Variants in WDFY4 observed in about 807,000 individuals in gnomAD.
WDFY4 encodes the protein WDFY family member 4.
WDFY4 carries 169 observed loss-of-function variants against 351.9 expected under a neutral mutation model. That is an observed-to-expected ratio of 0.48 (90% CI 0.42 to 0.55). The LOEUF is 0.55. Ranked by LOEUF, WDFY4 falls within the 20% of genes least tolerant of loss-of-function variation. WDFY4 has a pLI of 0.00. For synonymous variants in WDFY4, 1,622 were observed against 1,574.6 expected (o/e 1.03, Z -0.71); for missense variants, 3,803 against 3,935.6 (o/e 0.97, Z 0.90).
intron 44 of WDFY4, among the ~76,000 whole-genome samples, chr10:48,893,842 G>C (rs1836937937): frequency 6.6e-6 from 1 of 152,180 alleles, no homozygotes; most frequent in Non-Finnish European, 1.5e-5. Flanking sequence ...TCAGAATATT[G>C]ACAGTTATCC....
chr10:48,832,389 G>A (rs1251468478), intron 38 of WDFY4, among the ~76,000 whole-genome samples, 184 bp from the exon 39 acceptor site: 1 of 152,254 alleles, frequency 6.6e-6, no homozygotes, highest in Non-Finnish European at 1.5e-5. Flanking sequence ...AAAGCCCACA[G>A]TGTTTCTTAG....
intron 39 of WDFY4, among the ~76,000 whole-genome samples, chr10:48,845,268 T>A (rs974350120): frequency 2.0e-5 from 3 of 152,218 alleles, no homozygotes; most frequent in Non-Finnish European, 4.4e-5. Flanking sequence ...CATCTGGCTC[T>A]AGCTCTCCTT....
chr10:48,825,099 G>A (rs919184024), intron 35 of WDFY4, among the ~76,000 whole-genome samples: 1 of 152,102 alleles, frequency 6.6e-6, no homozygotes, highest in Non-Finnish European at 1.5e-5. Flanking sequence ...TTTTCCTAAT[G>A]CTCTCCCTCT....
At chr10:48,876,972 C>A in intron 42 of WDFY4, 61 bp from the exon 43 acceptor site, 1 of 1,423,136 alleles carries the variant, frequency 7.0e-7, no homozygotes, top group Admixed American at 3.0e-5. Context: ...ATGCTGTGCA[C>A]CGGCCCTTAC....
At chr10:48,762,898 T>G (rs2065554258) in intron 13 of WDFY4, among the ~76,000 whole-genome samples, 1 of 152,178 alleles carries the variant, frequency 6.6e-6, no homozygotes, top group Non-Finnish European at 1.5e-5. Context: ...TTAGACTTAG[T>G]GGGAGGGGAC....
intron 23 of WDFY4, among the ~76,000 whole-genome samples, chr10:48,794,241 G>A (rs2132770676): frequency 6.6e-6 from 1 of 152,256 alleles, no homozygotes; most frequent in Non-Finnish European, 1.5e-5. Flanking sequence ...ATGGGGATGA[G>A]GTTCAAGCAG....
chr10:48,962,480 G>C (rs528381290), intron 53 of WDFY4, among the ~76,000 whole-genome samples: 1 of 152,274 alleles, frequency 6.6e-6, no homozygotes, highest in East Asian at 1.9e-4. Flanking sequence ...AGTAGAAACA[G>C]GTGCCACCTC....
intron 39 of WDFY4, among the ~76,000 whole-genome samples, chr10:48,839,753 T>A (rs1369913081): frequency 6.6e-6 from 1 of 152,206 alleles, no homozygotes; most frequent in Non-Finnish European, 1.5e-5. Flanking sequence ...GGAGGAAAAG[T>A]CTTTTGAGTA....
intron 12 of WDFY4, among the ~76,000 whole-genome samples, chr10:48,754,434 C>T (rs1304222554): frequency 6.6e-6 from 1 of 151,786 alleles, no homozygotes; most frequent in East Asian, 1.9e-4. Context: ...GCCAAACCTG[C>T]CATTCAAATT....
chr10:48,911,054 C>T (rs1837956238), intron 47 of WDFY4: 2 of 259,640 alleles, frequency 7.7e-6, no homozygotes, highest in Non-Finnish European at 1.2e-5. Flanking sequence ...TATGTCTCTG[C>T]GTGGACTCTA....
chr10:48,791,358 G>T (rs12220783), intron 23 of WDFY4, among the ~76,000 whole-genome samples: 2 of 152,204 alleles, frequency 1.3e-5, no homozygotes, highest in East Asian at 1.9e-4. Flanking sequence ...TTGCAGTGAG[G>T]ATTAGATGAT....
At chr10:48,834,861 A>T (rs1253752230) in intron 39 of WDFY4, among the ~76,000 whole-genome samples, 1 of 152,110 alleles carries the variant, frequency 6.6e-6, no homozygotes, top group East Asian at 1.9e-4. Flanking sequence ...AGTCCTGGGG[A>T]CATGCATTGA....
chr10:48,949,239 T>C lies in WDFY4; in HGVS notation c.7977+2270T>C, dbSNP rs116716718. ...TGTCTCTACATGCTTCTAAATTGGGTCTCACTTTCTTACTTTTAAATGACT... is the reference window on the plus strand; with the variant it reads ...TGTCTCTACATGCTTCTAAATTGGGCCTCACTTTCTTACTTTTAAATGACT... On this transcript the variant is annotated intron_variant, in intron 51 of 61. Coordinates refer to ENST00000325239, the MANE Select transcript of WDFY4 (RefSeq NM_001394531.1). 4.8e-3 allele frequency among the ~76,000 whole-genome samples: 731 copies of C among 152,284 alleles called. 5 individuals carry two copies. The highest frequency in any genetic ancestry group is 0.017 in the African/African-American group (703 of 41,544).
At chr10:48,748,787 G>A (rs1440715636) in intron 12 of WDFY4, among the ~76,000 whole-genome samples, 1 of 152,166 alleles carries the variant, frequency 6.6e-6, no homozygotes, top group African/African-American at 2.4e-5. Flanking sequence ...GCAGAGTAAA[G>A]GGCATGGCAG....
At chr10:48,890,488 A>G (rs1360964325) in intron 43 of WDFY4, 91 bp from the exon 44 acceptor site, 6 of 1,483,700 alleles carry the variant, frequency 4.0e-6, no homozygotes, top group Middle Eastern at 3.8e-4. Context: ...CAATTGCCCC[A>G]TGGATGGCTG....
chr10:48,732,062 G>C (rs1233014948), intron 9 of WDFY4, among the ~76,000 whole-genome samples: 1 of 152,126 alleles, frequency 6.6e-6, no homozygotes, highest in Non-Finnish European at 1.5e-5. Flanking sequence ...GCATACCTGT[G>C]GCTCCTTGGC....
intron 44 of WDFY4, among the ~76,000 whole-genome samples, chr10:48,892,774 A>G (rs1264027070): frequency 3.3e-5 from 5 of 152,272 alleles, no homozygotes; most frequent in Non-Finnish European, 7.3e-5. Context: ...CCGATGTACC[A>G]TAAAAACATC....
chr10:48,972,030 G>A (rs970480121), intron 57 of WDFY4, among the ~76,000 whole-genome samples: 2 of 152,182 alleles, frequency 1.3e-5, no homozygotes, highest in Admixed American at 1.3e-4. Context: ...ATTTAACAGT[G>A]AAAATGCACA....
At chr10:48,787,874 CTTTCTTTCTTCTTCTTCTCCTTCTTCTT>C (rs2066480273) in intron 20 of WDFY4, among the ~76,000 whole-genome samples, 5 of 86,324 alleles carry the variant, frequency 5.8e-5, no homozygotes, top group African/African-American at 2.5e-4. Flanking sequence ...CTTCTTTCTT[CTTTCTTTCTTCTTCTTCTCCTTCTTCTT>C]CTTCTTCTTC....
Sources: allele counts gnomAD v4.1 joint callset (sites outside exome capture counted in the v4.1 genomes callset), GRCh38; gene constraint gnomAD v4.1.1; transcripts MANE v1.5; gene names NCBI Gene and HGNC (gene_info 2026-07-23, HGNC 2026-07-21).